Variants in LBR observed in about 807,000 individuals in gnomAD.
LBR encodes lamin B receptor.
In LBR, 28 loss-of-function variants were observed where a neutral mutation model predicts 74.3. The ratio of observed to expected loss-of-function variants is 0.38; its 90% CI spans 0.28 to 0.52. The LOEUF is 0.52. Ranked by LOEUF, LBR falls within the 20% of genes least tolerant of loss-of-function variation. The probability of loss-of-function intolerance (pLI) is 0.89; values close to 1 mark genes in which losing one functional copy is unlikely to be tolerated. For missense variants in LBR, 717 were observed against 760.3 expected (o/e 0.94, Z 0.67); for synonymous variants, 228 against 269.3 (o/e 0.85, Z 1.50).
chr1:225,419,795 G>T lies in LBR; in HGVS notation c.370C>A (p.Pro124Thr), dbSNP rs1383169780. The T allele has an allele frequency of 5.0e-6, 8 of 1,602,000 alleles. No homozygotes were observed. The highest frequency in any genetic ancestry group is 6.8e-6 in the Non-Finnish European group (8 of 1,169,598). ...EVKLTPLILK[P>T]FGNSISRYNG... is the part of the protein sequence containing the mutation. ...TATCTGCTGATGCTATTTCCAAATG[G>T]CTTCTAAATTGAAGAATATAAACAT... is the stretch of plus-strand genomic sequence containing the variant. The change falls in exon 4 of 14, where the codon CCA (proline) becomes ACA (threonine). Residue 124 changes from proline (P) to threonine (T), a missense_variant. Coordinates refer to ENST00000272163, the MANE Select transcript of LBR (RefSeq NM_002296.4).
Position 225,403,231 on chromosome 1 carries a change from G to T in LBR, c.*72C>A, listed in dbSNP as rs1010052332. On this transcript the variant is annotated 3_prime_UTR_variant, in exon 14 of 14. Transcript: ENST00000272163. ...TGTCAGTGCAACAAAAGAAAGTTTC[G>T]GATTTTTTTCCTTGTTTTTGCAAAT... 6.7e-7 allele frequency: 1 copy of T among 1,487,030 alleles called. No homozygotes were observed. The highest frequency in any genetic ancestry group is 9.4e-7 in the Non-Finnish European group (1 of 1,064,992). 92.1% of individuals were successfully genotyped at this position (1,487,030 alleles called of 1,614,324 possible). A position where few individuals can be genotyped will look rare whatever the true frequency, so the allele number is the denominator to read the frequency against.
chr1:225,415,327 T>G lies in LBR; in HGVS notation c.843A>C (p.Val281=). 1 of 1,588,462 alleles carries G rather than the reference T, an allele frequency of 6.3e-7. No homozygotes were observed. Among genetic ancestry groups the G allele is most frequent in the Non-Finnish European group, 8.6e-7 (1 of 1,159,802 alleles). Residue 281 remains valine, a synonymous_variant, in exon 7 of 14, where the codon GTA becomes GTC. Coordinates refer to ENST00000272163, the MANE Select transcript of LBR (RefSeq NM_002296.4). ...TTCCATCAATAAGAGGCGTTCCTTC[T>G]ACAACCTTAAAAGAAAAAAAATTTA... The part of the protein sequence containing the change: ...LFYLLPIGKV[V]EGTPLIDGRR...
At chr1:225,417,384 AAAG>A (rs1383428004) in intron 6 of LBR, among the ~76,000 whole-genome samples, 29 of 152,236 alleles carry the variant, frequency 1.9e-4, no homozygotes, top group African/African-American at 7.0e-4. Flanking sequence ...GATTCTACTG[AAAG>A]AAGAAAAAAC....
chr1:225,422,030 T>C lies in LBR; in HGVS notation c.366+47A>G. 4 of 1,544,608 alleles carry C rather than the reference T, an allele frequency of 2.6e-6. No homozygotes were observed. In the South Asian group the frequency reaches 3.4e-5, roughly 13 times the overall value. ...ACTGCAAGTAACTTGAGTAAATATA[T>C]ACATAAAGCGGAAGACAAAAGGCTG... On this transcript the variant is annotated intron_variant, in intron 3 of 13. Transcript: ENST00000272163.
chr1:225,421,962 A>G (rs1558657548), intron 3 of LBR, 115 bp downstream of exon 3: 1 of 1,038,650 alleles, frequency 9.6e-7, no homozygotes, highest in African/African-American at 1.6e-5. Flanking sequence ...TCCCAAAGTC[A>G]TCAACTTAGA....
intron 13 of LBR, 129 bp downstream of exon 13, chr1:225,404,275 C>A: frequency 7.9e-7 from 1 of 1,271,968 alleles, no homozygotes; most frequent in South Asian, 1.2e-5. Flanking sequence ...CAGAGGCCAA[C>A]CTCACAGTAG....
chr1:225,409,646 A>G (rs1029467835), intron 10 of LBR, among the ~76,000 whole-genome samples: 2 of 152,246 alleles, frequency 1.3e-5, no homozygotes, highest in Non-Finnish European at 1.5e-5. Flanking sequence ...ATAACAGTAA[A>G]TACGATAAAA....
rs2096085382 is a variant in LBR at position 225,403,463 on chromosome 1, C to A, written c.1688G>T (p.Gly563Val). 1 of 1,602,854 alleles carries A rather than the reference C, an allele frequency of 6.2e-7. No homozygotes were observed. Among genetic ancestry groups the A allele is most frequent in the Non-Finnish European group, 8.5e-7 (1 of 1,170,126 alleles). ...GAAATAAGGCAGAATGTGGTTAAAA[C>A]CTGTGGATAATAATAGTACACAGTA... Reference protein sequence around the residue: ...IMALAWSLPCGFNHILPYFYI... With the variant: ...IMALAWSLPCVFNHILPYFYI... Residue 563 changes from glycine to valine, a missense_variant and splice_region_variant, in exon 14 of 14, where the codon GGT becomes GTT. By Grantham distance (109) the Gly-to-Val change is moderately radical (BLOSUM62 -3). Coordinates refer to ENST00000272163, the MANE Select transcript of LBR (RefSeq NM_002296.4).
chr1:225,419,268 ACTC>A lies in LBR; in HGVS notation c.632_634del (p.Gly211del). On this transcript the variant is annotated inframe_deletion, in exon 5 of 14. Transcript: ENST00000272163. Reference sequence around the variant, plus strand: ...GGCCCAGCTCTGAGGCCTACCAGGTACTCCTCCAAACTCCAAGTCCTTTGCCCG... The same window carrying A: ...GGCCCAGCTCTGAGGCCTACCAGGTACTCCAAACTCCAAGTCCTTTGCCCG... The A allele has an allele frequency of 6.2e-7, 1 of 1,613,972 alleles. No homozygotes were observed. The highest frequency in any genetic ancestry group is 1.7e-5 in the Admixed American group (1 of 60,020).
intron 10 of LBR, among the ~76,000 whole-genome samples, chr1:225,407,139 C>CA (rs1253752686): frequency 2.0e-5 from 3 of 152,136 alleles, no homozygotes; most frequent in Non-Finnish European, 4.4e-5. Context: ...ATAGGCCCTA[C>CA]ACCCTCTGCT....
In LBR at chr1:225,411,416, A is replaced by T; in HGVS notation, c.1109T>A (p.Ile370Asn). Residue 370 changes from isoleucine (I) to asparagine (N), a missense_variant, in exon 9 of 14, where the codon ATT becomes AAT. Physicochemically the swap from Ile to Asn is moderately radical, Grantham distance 149. Transcript: ENST00000272163. ...SSGNAVYDFF[I>N]GRELNPRIGT... ...AATTCGAGGGTTTAATTCACGGCCA[A>T]TGAAGAAATCATAGACAGCATTTCC... is the stretch of plus-strand genomic sequence containing the variant. 6.2e-7 allele frequency: 1 copy of T among 1,613,896 alleles called. No individual in the cohort carries two copies. Among genetic ancestry groups the T allele is most frequent in the Non-Finnish European group, 8.5e-7 (1 of 1,179,722 alleles).
At chr1:225,410,223 G>A in intron 10 of LBR, 68 bp downstream of exon 10, 1 of 1,607,482 alleles carries the variant, frequency 6.2e-7, no homozygotes, top group South Asian at 1.1e-5. Context: ...AGAAGCCGAG[G>A]CTCTGACAGG....
intron 9 of LBR, among the ~76,000 whole-genome samples, chr1:225,411,047 G>A (rs976062118): frequency 9.2e-5 from 14 of 152,282 alleles, no homozygotes; most frequent in Admixed American, 3.3e-4. Context: ...GGAGGAAAAT[G>A]CATTTTTTCT....
At position 225,423,932 on chromosome 1, in the gene LBR, T is replaced by C; in HGVS notation, c.144A>G (p.Glu48=). The C allele has an allele frequency of 1.9e-6, 3 of 1,613,892 alleles. No individual in the cohort carries two copies. Among genetic ancestry groups the C allele is most frequent in the Non-Finnish European group, 2.5e-6 (3 of 1,179,772 alleles). Residue 48 remains glutamate, a synonymous_variant, in exon 2 of 14, where the codon GAA becomes GAG. Transcript: ENST00000272163. ...TVKYKDGTEL[E]LKENDIKPLT... The stretch of plus-strand genomic sequence containing the variant: ...TTACCTTAATATCATTCTCTTTCAA[T>C]TCAAGCTCTGTTCCATCTTTATACT...
chr1:225,409,538 C>T (rs1055413139), intron 10 of LBR, among the ~76,000 whole-genome samples: 1 of 152,092 alleles, frequency 6.6e-6, no homozygotes, highest in Non-Finnish European at 1.5e-5. Flanking sequence ...AACAGACTGT[C>T]ACTAAAACTT....
Position 225,419,464 on chromosome 1 carries a change from A to G in LBR, c.451-12T>C, listed in dbSNP as rs778029261. On this transcript the variant is annotated splice_polypyrimidine_tract_variant and intron_variant, in intron 4 of 13. Coordinates refer to ENST00000272163, the MANE Select transcript of LBR (RefSeq NM_002296.4). ...AAACTGAATTTTTCCTAAATGAAAAATTTAAAAATTAAATATCTGCAGTGA... is the reference window on the plus strand; with the variant it reads ...AAACTGAATTTTTCCTAAATGAAAAGTTTAAAAATTAAATATCTGCAGTGA... 6.3e-7 allele frequency: 1 copy of G among 1,586,182 alleles called. No individual in the cohort carries two copies. Among genetic ancestry groups the G allele is most frequent in the South Asian group, 1.1e-5 (1 of 90,430 alleles).
chr1:225,424,683 T>G (rs1312474061), intron 1 of LBR, among the ~76,000 whole-genome samples: 1 of 152,098 alleles, frequency 6.6e-6, no homozygotes, highest in Non-Finnish European at 1.5e-5. Flanking sequence ...TAAGCCAGGG[T>G]GGTTGCCTTC....
chr1:225,417,918 G>C, intron 6 of LBR, 66 bp downstream of exon 6: 2 of 1,453,698 alleles, frequency 1.4e-6, no homozygotes, highest in Admixed American at 1.7e-5. Context: ...AGAAATTGGA[G>C]ACCCGCCTGG....
intron 9 of LBR, among the ~76,000 whole-genome samples, chr1:225,410,712 A>T (rs2096103223): frequency 6.6e-6 from 1 of 152,246 alleles, no homozygotes; most frequent in Non-Finnish European, 1.5e-5. Flanking sequence ...GTACCTTCCA[A>T]AAAGTATCAA....
Sources: allele counts gnomAD v4.1 joint callset (sites outside exome capture counted in the v4.1 genomes callset), GRCh38; gene constraint gnomAD v4.1.1; transcripts MANE v1.5; gene names NCBI Gene and HGNC (gene_info 2026-07-23, HGNC 2026-07-21).